RSRC1: variants seen among roughly 807,000 people sequenced by gnomAD.
The protein encoded by RSRC1 is arginine and serine rich coiled-coil 1, also known as serine/Arginine-related protein 53.
RSRC1 carries 39 observed loss-of-function variants against 49.1 expected under a neutral mutation model. That is an observed-to-expected ratio of 0.79 (90% CI 0.61 to 1.04). RSRC1 has a LOEUF of 1.04. Among genes scored for constraint, RSRC1 ranks in the 50% least tolerant of loss-of-function variants. The pLI is 0.00. For missense variants in RSRC1, 388 were observed against 402.4 expected (o/e 0.96, Z 0.31); for synonymous variants, 143 against 130.8 (o/e 1.09, Z -0.63).
At chr3:158,171,586 T>G (rs1718884324) in intron 3 of RSRC1, among the ~76,000 whole-genome samples, 1 of 151,998 alleles carries the variant, frequency 6.6e-6, no homozygotes, top group African/African-American at 2.4e-5. Context: ...AAAAATACAA[T>G]ATCTAAACAA....
At chr3:158,285,173 T>C (rs1210021175) in intron 4 of RSRC1, among the ~76,000 whole-genome samples, 1 of 152,204 alleles carries the variant, frequency 6.6e-6, no homozygotes, top group Non-Finnish European at 1.5e-5. Context: ...TTGCTTGTTT[T>C]TGTCAGGTTT....
intron 7 of RSRC1, among the ~76,000 whole-genome samples, chr3:158,502,688 T>C (rs1326495182): frequency 2.0e-5 from 3 of 152,174 alleles, no homozygotes; most frequent in Non-Finnish European, 4.4e-5. Context: ...TGCATTTCTA[T>C]AAGTGTGTCC....
At chr3:158,162,149 ACTGATAAACAG>A (rs1170691541) in intron 3 of RSRC1, among the ~76,000 whole-genome samples, 1 of 152,152 alleles carries the variant, frequency 6.6e-6, no homozygotes, top group Non-Finnish European at 1.5e-5. Context: ...AGAAAATACA[ACTGATAAACAG>A]CTTTCTTTTT....
intron 4 of RSRC1, chr3:158,225,571 G>T (rs551783018): frequency 4.6e-5 from 16 of 349,210 alleles, no homozygotes; most frequent in African/African-American, 2.9e-4. Flanking sequence ...ACCCCTTTTG[G>T]TTTGGAGGCA....
intron 4 of RSRC1, among the ~76,000 whole-genome samples, chr3:158,277,048 G>A (rs1725857477): frequency 6.6e-6 from 1 of 152,082 alleles, no homozygotes; most frequent in African/African-American, 2.4e-5. Context: ...GGGCTAAGAG[G>A]CAAAATTGAA....
intron 6 of RSRC1, among the ~76,000 whole-genome samples, chr3:158,415,932 T>G (rs991647248): frequency 1.3e-5 from 2 of 152,042 alleles, no homozygotes; most frequent in Non-Finnish European, 2.9e-5. Flanking sequence ...TATTTTGAAG[T>G]TTCATGGAAT....
chr3:158,170,533 T>C (rs746983266), intron 3 of RSRC1, among the ~76,000 whole-genome samples: 7 of 152,168 alleles, frequency 4.6e-5, no homozygotes, highest in Non-Finnish European at 8.8e-5. Flanking sequence ...GCAACTACTT[T>C]ACAGTTTGGA....
chr3:158,383,730 G>T (rs1211198436), intron 6 of RSRC1, among the ~76,000 whole-genome samples: 4 of 152,022 alleles, frequency 2.6e-5, no homozygotes, highest in African/African-American at 9.7e-5. Flanking sequence ...AAATAAGCTT[G>T]TATTTGTTTT....
rs973218502 is a variant in RSRC1, at chr3:158,297,797, A to G, written c.495-242A>G. Among the ~76,000 whole-genome samples, 9 of 152,104 alleles carry G rather than the reference A, an allele frequency of 5.9e-5. No homozygotes were observed. In the South Asian group the frequency reaches 6.2e-4, roughly 11 times the overall value. The stretch of plus-strand genomic sequence containing the variant: ...AAAATGATGTTTGTGAGTTCTTTAC[A>G]TTTTTCATTGACTTTGAAAAATCTG... On this transcript the variant is annotated intron_variant, in intron 4 of 9. Transcript: ENST00000611884.
intron 4 of RSRC1, among the ~76,000 whole-genome samples, chr3:158,216,630 T>A (rs1721960913): frequency 1.3e-5 from 2 of 151,388 alleles, no homozygotes; most frequent in Non-Finnish European, 2.9e-5. Context: ...AACAAAAAAT[T>A]GTTTAAAAAA....
intron 6 of RSRC1, among the ~76,000 whole-genome samples, chr3:158,360,464 A>T (rs1255721738): frequency 6.6e-6 from 1 of 152,096 alleles, no homozygotes; most frequent in East Asian, 1.9e-4. Context: ...TCTGCCCAGG[A>T]GACCTTCTGC....
chr3:158,426,217 ATAT>A (rs1182390239), intron 6 of RSRC1, among the ~76,000 whole-genome samples: 3 of 151,796 alleles, frequency 2.0e-5, no homozygotes, highest in South Asian at 2.1e-4. Flanking sequence ...CCCATTTAAA[ATAT>A]TATAAAATTA....
intron 6 of RSRC1, among the ~76,000 whole-genome samples, chr3:158,452,312 A>G (rs1273526115): frequency 6.6e-6 from 1 of 152,168 alleles, no homozygotes; most frequent in Non-Finnish European, 1.5e-5. Context: ...AAATATTCAT[A>G]CTTAGAAATT....
chr3:158,475,602 G>C (rs1473974250), intron 7 of RSRC1, among the ~76,000 whole-genome samples: 2 of 152,044 alleles, frequency 1.3e-5, no homozygotes, highest in East Asian at 3.9e-4. Context: ...ACTGATCAGT[G>C]GTCTTGGATG....
chr3:158,110,820 T>TA (rs1714338942), intron 1 of RSRC1, among the ~76,000 whole-genome samples: 1 of 152,214 alleles, frequency 6.6e-6, no homozygotes, highest in Non-Finnish European at 1.5e-5. Flanking sequence ...TTGACTTCTG[T>TA]ACTGGTGGCA....
At chr3:158,387,275 A>G (rs149265837) in intron 6 of RSRC1, among the ~76,000 whole-genome samples, 204 of 152,244 alleles carry the variant, frequency 1.3e-3, no homozygotes, top group African/African-American at 4.8e-3. Context: ...GAAGTTTCCT[A>G]TCTCCCTTTG....
At chr3:158,387,150 A>G (rs901928518) in intron 6 of RSRC1, among the ~76,000 whole-genome samples, 38 of 152,220 alleles carry the variant, frequency 2.5e-4, no homozygotes, top group African/African-American at 9.1e-4. Context: ...GCCTCTATAT[A>G]TGTCTCAAAT....
At chr3:158,175,977 A>C (rs929937542) in intron 3 of RSRC1, among the ~76,000 whole-genome samples, 8 of 152,124 alleles carry the variant, frequency 5.3e-5, no homozygotes, top group African/African-American at 1.9e-4. Context: ...GAGCTTGATC[A>C]GGTCATTTAA....
intron 4 of RSRC1, among the ~76,000 whole-genome samples, chr3:158,270,471 A>G (rs1337945206): frequency 6.6e-6 from 1 of 152,158 alleles, no homozygotes; most frequent in Non-Finnish European, 1.5e-5. Flanking sequence ...AGGGTTCTTT[A>G]GGAATTTGTA....
Sources: gnomAD v4.1 joint callset for allele counts (sites outside exome capture counted in the v4.1 genomes callset) on GRCh38, gnomAD v4.1.1 for gene constraint, MANE v1.5 for transcripts, NCBI Gene and HGNC (gene_info 2026-07-23, HGNC 2026-07-21) for gene names.